Variants in CHST9 observed in about 807,000 individuals in gnomAD.
CHST9 encodes the protein carbohydrate sulfotransferase 9, also known as GalNAc-4-sulfotransferase 2.
A neutral mutation model predicts 44.4 loss-of-function variants in CHST9; 41 were observed. That is an observed-to-expected ratio of 0.92 (90% CI 0.72 to 1.20). CHST9 has a LOEUF of 1.20. CHST9 is among the 50% of genes most tolerant of loss of function. The probability of loss-of-function intolerance (pLI) is 0.00; values close to 1 mark genes in which losing one functional copy is unlikely to be tolerated. For synonymous variants in CHST9, 171 were observed against 178.4 expected, an observed-to-expected ratio of 0.96 and a Z score of 0.33; for missense variants, 504 against 516.5, an observed-to-expected ratio of 0.98 and a Z score of 0.23.
intron 4 of CHST9, among the ~76,000 whole-genome samples, chr18:27,005,211 G>A (rs988144656): frequency 2.0e-5 from 3 of 152,106 alleles, no homozygotes; most frequent in African/African-American, 7.2e-5. Context: ...TCTGTAAAAT[G>A]GGAATACTAC....
chr18:27,023,414 A>T (rs371302034), intron 4 of CHST9, among the ~76,000 whole-genome samples: 8 of 152,226 alleles, frequency 5.3e-5, no homozygotes, highest in African/African-American at 1.7e-4. Context: ...AGCCTGAATT[A>T]TGGAAGTCAG....
At position 27,052,120 on chromosome 18, in the gene CHST9, A is replaced by G. The variant is rs147479505; in HGVS notation, c.122-3617T>C. ...GAACAATTCTCAGCCCCTATGTTAT[A>G]TGAAAGGGCTTTGTAAATTGTAGAG... On this transcript the variant is annotated intron_variant, in intron 2 of 5. Transcript: ENST00000618847. Among the ~76,000 whole-genome samples the G allele has an allele frequency of 4.6e-4, 70 of 152,210 alleles. No homozygotes were observed. The East Asian group carries it at 0.012, about 26-fold the overall frequency.
At chr18:27,038,464 T>C (rs1157901009) in intron 3 of CHST9, among the ~76,000 whole-genome samples, 2 of 152,060 alleles carry the variant, frequency 1.3e-5, no homozygotes, top group African/African-American at 4.8e-5. Context: ...GAGAATCACT[T>C]GAACTCGGGA....
chr18:27,050,555 T>G (rs150489930), intron 2 of CHST9, among the ~76,000 whole-genome samples: 2 of 152,310 alleles, frequency 1.3e-5, no homozygotes, highest in African/African-American at 4.8e-5. Context: ...AAATGTACAA[T>G]CTTCCCTTAT....
rs529627131 is a variant in CHST9, at chr18:27,128,515, G to T, written c.121+14174C>A. Among the ~76,000 whole-genome samples the T allele has an allele frequency of 1.5e-4, 23 of 152,216 alleles. No homozygotes were observed. In the South Asian group the frequency reaches 3.9e-3, roughly 26 times the overall value. On this transcript the variant is annotated intron_variant, in intron 2 of 5. Coordinates refer to ENST00000618847, the MANE Select transcript of CHST9 (RefSeq NM_031422.6). The stretch of plus-strand genomic sequence containing the variant: ...GAACTCCTGACCCCATGATCCACCC[G>T]CCTCGGCCTCCCAAAGTGCTGGGAT...
intron 1 of CHST9, among the ~76,000 whole-genome samples, chr18:27,155,890 G>A (rs115993071): frequency 2.8e-4 from 43 of 152,064 alleles, no homozygotes; most frequent in Admixed American, 2.3e-3. Context: ...TGCATCCACC[G>A]GTAAAATGGG....
At chr18:27,046,561 C>G (rs190910328) in intron 3 of CHST9, among the ~76,000 whole-genome samples, 14 of 151,242 alleles carry the variant, frequency 9.3e-5, no homozygotes, top group African/African-American at 3.4e-4. Flanking sequence ...AAATTCCAAG[C>G]AGGAAGTCAG....
chr18:26,973,797 C>T (rs940332518), intron 4 of CHST9, among the ~76,000 whole-genome samples: 8 of 152,152 alleles, frequency 5.3e-5, no homozygotes, highest in Non-Finnish European at 8.8e-5. Context: ...ATCTGTTTCC[C>T]CCACCAGGGG....
At chr18:27,053,197 AGAAC>A (rs2057597782) in intron 2 of CHST9, among the ~76,000 whole-genome samples, 2 of 95,492 alleles carry the variant, frequency 2.1e-5, no homozygotes, top group African/African-American at 3.7e-5. Context: ...AGAAGAAGAA[AGAAC>A]AAGAAGAGGA....
intron 5 of CHST9, among the ~76,000 whole-genome samples, chr18:26,938,156 A>T (rs1195946705): frequency 2.0e-5 from 3 of 152,082 alleles, no homozygotes; most frequent in Non-Finnish European, 4.4e-5. Flanking sequence ...TGTCTTGTCA[A>T]TCTAGATACC....
chr18:27,107,799 T>A (rs2058234807), intron 2 of CHST9, among the ~76,000 whole-genome samples: 1 of 152,184 alleles, frequency 6.6e-6, no homozygotes, highest in Admixed American at 6.5e-5. Flanking sequence ...AGAACTTTAA[T>A]CTAATGGAAT....
intron 4 of CHST9, among the ~76,000 whole-genome samples, chr18:27,009,085 G>A (rs1232883738): frequency 6.6e-6 from 1 of 152,068 alleles, no homozygotes; most frequent in Non-Finnish European, 1.5e-5. Flanking sequence ...GACTTAAAGA[G>A]GAAAGGGGGT....
chr18:26,940,684 G>A (rs1322638344), intron 5 of CHST9, among the ~76,000 whole-genome samples: 1 of 152,178 alleles, frequency 6.6e-6, no homozygotes, highest in South Asian at 2.1e-4. Flanking sequence ...AGTGCTCAGA[G>A]GGAGTGATGG....
intron 4 of CHST9, among the ~76,000 whole-genome samples, chr18:26,984,447 T>C (rs1225250840): frequency 6.6e-6 from 1 of 152,118 alleles, no homozygotes; most frequent in African/African-American, 2.4e-5. Context: ...CTTCATAAAC[T>C]TGGAGTAGGC....
intron 2 of CHST9, among the ~76,000 whole-genome samples, chr18:27,118,614 A>C (rs2058348913): frequency 6.6e-6 from 1 of 152,250 alleles, no homozygotes; most frequent in Non-Finnish European, 1.5e-5. Context: ...ATTTTTAATA[A>C]ATGAAAAATA....
chr18:27,055,917 T>G (rs2057649191), intron 2 of CHST9, among the ~76,000 whole-genome samples: 1 of 147,536 alleles, frequency 6.8e-6, no homozygotes, highest in South Asian at 2.2e-4. Context: ...GTGCTTTTTC[T>G]TCTCACCTCT....
intron 4 of CHST9, among the ~76,000 whole-genome samples, chr18:27,008,785 A>AGG (rs2057047897): frequency 6.6e-6 from 1 of 152,076 alleles, no homozygotes; most frequent in African/African-American, 2.4e-5. Flanking sequence ...CTGGGCTCAC[A>AGG]AGAAGTATTC....
At chr18:27,160,599 T>G (rs1421623118) in intron 1 of CHST9, among the ~76,000 whole-genome samples, 1 of 152,224 alleles carries the variant, frequency 6.6e-6, no homozygotes, top group Non-Finnish European at 1.5e-5. Context: ...TGCCAGGCTT[T>G]GGTATCAGGA....
At chr18:27,179,167 C>T (rs1179014312) in intron 1 of CHST9, among the ~76,000 whole-genome samples, 1 of 151,486 alleles carries the variant, frequency 6.6e-6, no homozygotes, top group Non-Finnish European at 1.5e-5. Flanking sequence ...CAGTTAAGGC[C>T]TAAGACCACT....
Sources: allele counts gnomAD v4.1 joint callset (sites outside exome capture counted in the v4.1 genomes callset), GRCh38; gene constraint gnomAD v4.1.1; transcripts MANE v1.5; gene names NCBI Gene and HGNC (gene_info 2026-07-23, HGNC 2026-07-21).